The following CNTN5 variants were observed in gnomAD, a reference collection of about 807,000 sequenced individuals.
CNTN5 encodes the protein contactin 5, also known as contactin-5.
In CNTN5, 77 loss-of-function variants were observed where a neutral mutation model predicts 129.1. The observed-to-expected ratio is 0.60, with a 90% CI of 0.50 to 0.72. CNTN5 has a LOEUF of 0.72. CNTN5 is among the 30% of genes least tolerant of loss of function. CNTN5 has a pLI of 0.00. For missense variants in CNTN5, 1,478 were observed against 1,328.8 expected (o/e 1.11, Z -1.75); for synonymous variants, 509 against 465.6 (o/e 1.09, Z -1.20).
At chr11:100,101,357 G>C (rs1391775563) in intron 13 of CNTN5, among the ~76,000 whole-genome samples, 1 of 152,020 alleles carries the variant, frequency 6.6e-6, no homozygotes, top group African/African-American at 2.4e-5. Context: ...TGCTCAAGAA[G>C]GATAAGATTA....
At chr11:99,818,748 C>G (rs570594661) in intron 3 of CNTN5, among the ~76,000 whole-genome samples, 2 of 152,148 alleles carry the variant, frequency 1.3e-5, no homozygotes, top group South Asian at 4.2e-4. Context: ...TTAGTTCAAT[C>G]CATTTTAGGC....
At chr11:99,499,224 T>A (rs1359012487) in intron 2 of CNTN5, among the ~76,000 whole-genome samples, 4 of 152,208 alleles carry the variant, frequency 2.6e-5, no homozygotes, top group Non-Finnish European at 5.9e-5. Flanking sequence ...CTGTTCTTCA[T>A]GAATTTTTAA....
intron 6 of CNTN5, among the ~76,000 whole-genome samples, chr11:99,849,445 A>G (rs997347345): frequency 1.3e-5 from 2 of 151,948 alleles, no homozygotes; most frequent in African/African-American, 2.4e-5. Flanking sequence ...CCAGAAATAT[A>G]TTTTAAAATG....
intron 7 of CNTN5, among the ~76,000 whole-genome samples, chr11:99,917,417 T>A (rs927340301): frequency 6.6e-6 from 1 of 152,120 alleles, no homozygotes. Flanking sequence ...TTTTATTACA[T>A]TTAGGGAAAG....
chr11:99,325,888 T>G (rs904388592), intron 2 of CNTN5, among the ~76,000 whole-genome samples: 3 of 152,204 alleles, frequency 2.0e-5, no homozygotes, highest in Admixed American at 6.5e-5. Flanking sequence ...GCTTTTGTGC[T>G]TTTTGTATGT....
At chr11:100,203,961 C>G (rs2138561871) in intron 15 of CNTN5, among the ~76,000 whole-genome samples, 1 of 151,736 alleles carries the variant, frequency 6.6e-6, no homozygotes, top group South Asian at 2.1e-4. Flanking sequence ...GACCCACTGC[C>G]AAGAATACTC....
chr11:99,563,601 A>G (rs900342750), intron 3 of CNTN5, among the ~76,000 whole-genome samples: 1 of 151,814 alleles, frequency 6.6e-6, no homozygotes. Context: ...TCCAAGGGTT[A>G]GAGCTCGGTG....
At chr11:100,326,988 T>G (rs1318847294) in intron 21 of CNTN5, among the ~76,000 whole-genome samples, 3 of 152,238 alleles carry the variant, frequency 2.0e-5, no homozygotes, top group Non-Finnish European at 2.9e-5. Flanking sequence ...GTATAGAGAC[T>G]ATATCAGGTA....
chr11:99,618,512 T>C (rs906059062), intron 3 of CNTN5, among the ~76,000 whole-genome samples: 1 of 152,208 alleles, frequency 6.6e-6, no homozygotes, highest in African/African-American at 2.4e-5. Flanking sequence ...AACTGTTCTT[T>C]GTCACCTACC....
intron 3 of CNTN5, among the ~76,000 whole-genome samples, chr11:99,634,474 G>A (rs1030928740): frequency 3.3e-5 from 5 of 152,140 alleles, no homozygotes; most frequent in African/African-American, 1.2e-4. Context: ...CAGTGGGCAC[G>A]AACGGTGTCT....
At chr11:99,256,565 T>C (rs1384674035) in intron 1 of CNTN5, among the ~76,000 whole-genome samples, 1 of 151,956 alleles carries the variant, frequency 6.6e-6, no homozygotes, top group Non-Finnish European at 1.5e-5. Flanking sequence ...ATTATCAAAA[T>C]AGAATGCTAG....
intron 6 of CNTN5, among the ~76,000 whole-genome samples, chr11:99,866,163 G>A (rs1164504467): frequency 1.3e-5 from 2 of 152,106 alleles, no homozygotes; most frequent in Non-Finnish European, 2.9e-5. Context: ...TTTTCCAAGT[G>A]ACTTGTCACG....
chr11:99,818,811 A>T (rs1013337998), intron 3 of CNTN5, among the ~76,000 whole-genome samples: 1 of 152,206 alleles, frequency 6.6e-6, no homozygotes, highest in Non-Finnish European at 1.5e-5. Context: ...TATGAAATTT[A>T]TCAATAATCA....
chr11:99,164,654 C>A (rs1860790370), intron 1 of CNTN5, among the ~76,000 whole-genome samples: 1 of 152,034 alleles, frequency 6.6e-6, no homozygotes, highest in Admixed American at 6.6e-5. Context: ...ATACAAATAT[C>A]TATAAGCTGT....
At chr11:100,278,422 A>T (rs1412200649) in intron 18 of CNTN5, among the ~76,000 whole-genome samples, 3 of 152,036 alleles carry the variant, frequency 2.0e-5, no homozygotes, top group Non-Finnish European at 4.4e-5. Flanking sequence ...TTTTAACAAT[A>T]TTGTTTCTTA....
At chr11:99,718,229 A>T (rs568310888) in intron 3 of CNTN5, among the ~76,000 whole-genome samples, 1 of 152,136 alleles carries the variant, frequency 6.6e-6, no homozygotes, top group Admixed American at 6.6e-5. Context: ...TCACTAATAC[A>T]TTTGTTAAAC....
chr11:99,293,405 C>A (rs1460030616), intron 1 of CNTN5, among the ~76,000 whole-genome samples: 1 of 151,906 alleles, frequency 6.6e-6, no homozygotes, highest in African/African-American at 2.4e-5. Context: ...TTTGTTGTGC[C>A]TTTGTCTGGT....
chr11:99,841,548 A>G (rs1368316555), intron 4 of CNTN5, among the ~76,000 whole-genome samples: 1 of 151,752 alleles, frequency 6.6e-6, no homozygotes, highest in Non-Finnish European at 1.5e-5. Flanking sequence ...TGCTTTATAA[A>G]TGTTAGCACA....
intron 3 of CNTN5, among the ~76,000 whole-genome samples, chr11:99,576,795 A>C (rs566032037): frequency 6.6e-6 from 1 of 152,270 alleles, no homozygotes; most frequent in East Asian, 1.9e-4. Flanking sequence ...GGAGCAGGGC[A>C]GCTCTCTGGG....
Sources: gnomAD v4.1 joint callset for allele counts (sites outside exome capture counted in the v4.1 genomes callset) on GRCh38, gnomAD v4.1.1 for gene constraint, MANE v1.5 for transcripts, NCBI Gene and HGNC (gene_info 2026-07-23, HGNC 2026-07-21) for gene names.